SPMIP10: variants seen among roughly 807,000 people sequenced by gnomAD.
The protein encoded by SPMIP10 is sperm-associated microtubule inner protein 10.
the SPMIP10 span, chr5:126,636,205 T>G: frequency 6.2e-7 from 1 of 1,614,158 alleles, no homozygotes; most frequent in Non-Finnish European, 8.5e-7. Context: ...ACCAAAGCAC[T>G]GTGATTTCCC....
the SPMIP10 span, chr5:126,631,891 C>A: frequency 1.1e-6 from 1 of 935,224 alleles, no homozygotes; most frequent in South Asian, 1.4e-5. Context: ...AAGATACGGT[C>A]AATAACTTTG....
At chr5:126,631,884 A>T in the SPMIP10 span, 15 of 963,994 alleles carry the variant, frequency 1.6e-5, no homozygotes, top group South Asian at 2.0e-4. Context: ...AGCCACAAAG[A>T]TACGGTCAAT....
At chr5:126,632,842 C>T in the SPMIP10 span, among the ~76,000 whole-genome samples, 1 of 151,652 alleles carries the variant, frequency 6.6e-6, no homozygotes, top group Non-Finnish European at 1.5e-5. Flanking sequence ...TGAAAATTAG[C>T]TGGGCATGGT....
chr5:126,636,141 G>A, the SPMIP10 span: 7 of 1,614,048 alleles, frequency 4.3e-6, no homozygotes, highest in Non-Finnish European at 5.9e-6. Context: ...TTCCAAAAAG[G>A]CCCACCAGAA....
the SPMIP10 span, chr5:126,636,153 T>C: frequency 6.2e-7 from 1 of 1,614,088 alleles, no homozygotes; most frequent in South Asian, 1.1e-5. Context: ...CCACCAGAAA[T>C]AAAAATTGCA....
the SPMIP10 span, among the ~76,000 whole-genome samples, chr5:126,632,259 A>T: frequency 5.1e-4 from 18 of 35,102 alleles, no homozygotes; most frequent in African/African-American, 2.0e-3. Flanking sequence ...CCATCTCATT[A>T]AAAAAAAAAA....
chr5:126,632,588 G>A, the SPMIP10 span: 1 of 1,612,428 alleles, frequency 6.2e-7, no homozygotes, highest in African/African-American at 1.3e-5. Flanking sequence ...TAAAGCAAGG[G>A]ATGATCCCAA....
At chr5:126,632,440 C>T in the SPMIP10 span, 2 of 683,026 alleles carry the variant, frequency 2.9e-6, no homozygotes, top group East Asian at 2.7e-5. Context: ...TGTCCTGCAA[C>T]AGCAGGGGAC....
At chr5:126,634,234 C>A in the SPMIP10 span, among the ~76,000 whole-genome samples, 1 of 152,066 alleles carries the variant, frequency 6.6e-6, no homozygotes, top group Admixed American at 6.6e-5. Context: ...GAGTTCAAGA[C>A]CAGCCTGGCC....
At chr5:126,633,034 A>ATATATATATATATATATAAATATATATAT in the SPMIP10 span, among the ~76,000 whole-genome samples, 1 of 108,300 alleles carries the variant, frequency 9.2e-6, no homozygotes, top group African/African-American at 7.6e-5. Flanking sequence ...TATATATATA[A>ATATATATATATATATATAAATATATATAT]TTTAGTATGT....
the SPMIP10 span, among the ~76,000 whole-genome samples, chr5:126,632,328 G>A: frequency 6.9e-6 from 1 of 145,314 alleles, no homozygotes; most frequent in Non-Finnish European, 1.5e-5. Flanking sequence ...GTAAAGGACA[G>A]CATGCAGTTA....
At chr5:126,632,688 A>C in the SPMIP10 span, 7 of 1,243,600 alleles carry the variant, frequency 5.6e-6, no homozygotes, top group Admixed American at 1.0e-4. Flanking sequence ...AGGAAAAAAA[A>C]CAAAAACAAA....
chr5:126,633,869 G>GCACAT, the SPMIP10 span, among the ~76,000 whole-genome samples: 23,102 of 151,402 alleles, frequency 0.15, 3,293 homozygotes, highest in African/African-American at 0.38. Flanking sequence ...TCTACTATGT[G>GCACAT]GTCCAGGCTG....
chr5:126,635,171 AATATATATATAT>A, the SPMIP10 span, among the ~76,000 whole-genome samples: 2 of 140,166 alleles, frequency 1.4e-5, no homozygotes, highest in African/African-American at 5.2e-5. Flanking sequence ...CCGTCTGTGA[AATATATATATAT>A]ATATATATAT....
chr5:126,631,949 A>G, the SPMIP10 span: 2 of 629,672 alleles, frequency 3.2e-6, no homozygotes, highest in Middle Eastern at 2.6e-4. Flanking sequence ...CCAGAGGGAA[A>G]TATGTGTGCA....
At chr5:126,632,481 C>T in the SPMIP10 span, 1 of 940,602 alleles carries the variant, frequency 1.1e-6, no homozygotes, top group South Asian at 1.3e-5. Context: ...CCTCCAGTGC[C>T]TGGAATGATG....
the SPMIP10 span, chr5:126,631,709 G>C: frequency 6.9e-7 from 1 of 1,453,152 alleles, no homozygotes; most frequent in Non-Finnish European, 9.6e-7. Context: ...AGTTTTAGAT[G>C]AGTATTCCAT....
At chr5:126,635,324 T>C in the SPMIP10 span, among the ~76,000 whole-genome samples, 1 of 152,110 alleles carries the variant, frequency 6.6e-6, no homozygotes, top group African/African-American at 2.4e-5. Flanking sequence ...TATTTATTTA[T>C]TCAACAGTCA....
chr5:126,631,957 G>T, the SPMIP10 span: 220 of 612,124 alleles, frequency 3.6e-4, no homozygotes, highest in African/African-American at 3.7e-3. Flanking sequence ...AAATATGTGT[G>T]CAGGGAAAGC....
Sources: allele counts gnomAD v4.1 joint callset (sites outside exome capture counted in the v4.1 genomes callset), GRCh38; gene constraint gnomAD v4.1.1; transcripts MANE v1.5; gene names NCBI Gene and HGNC (gene_info 2026-07-23, HGNC 2026-07-21).